Variants in CDKN2AIP observed in about 807,000 individuals in gnomAD.
CDKN2AIP encodes CDKN2A interacting protein.
Under a neutral mutation model 44.1 loss-of-function variants are expected in CDKN2AIP, and 12 were observed. The ratio of observed to expected loss-of-function variants is 0.27; its 90% CI spans 0.17 to 0.44. CDKN2AIP has a LOEUF of 0.44. Ranked by LOEUF, CDKN2AIP falls within the 20% of genes least tolerant of loss-of-function variation. The pLI is 1.00. For missense variants in CDKN2AIP, 705 were observed against 681.6 expected (o/e 1.03, Z -0.38); for synonymous variants, 291 against 272.1 (o/e 1.07, Z -0.68).
rs943834654 is a variant in CDKN2AIP, at chr4:183,448,961, G to A, written c.*1534G>A. Among the ~76,000 whole-genome samples, 9 of 152,108 alleles carry A rather than the reference G, an allele frequency of 5.9e-5. No individual in the cohort carries two copies. Among genetic ancestry groups the A allele is most frequent in the African/African-American group, 2.2e-4 (9 of 41,436 alleles). On this transcript the variant is annotated 3_prime_UTR_variant, in exon 3 of 3. Transcript: ENST00000504169. ...TGAATGTATTGTGAAAGCACTTTTA[G>A]TTACCTCACTTTCCTCAGTCTTGGA... is the stretch of plus-strand genomic sequence containing the variant.
In CDKN2AIP at chr4:183,445,637, GAAGAA is replaced by G; in HGVS notation, c.380_384del (p.Lys127ArgfsTer5). ...CAAGAGATGAACTGGTTGCCAAGGT[GAAGAA>G]AAGAGGGATATCGAGTAGCAATGGT... On this transcript the variant is annotated frameshift_variant, in exon 2 of 3. Coordinates refer to ENST00000504169, the MANE Select transcript of CDKN2AIP (RefSeq NM_017632.4). LOFTEE classifies it high-confidence loss of function. 6.2e-7 allele frequency: 1 copy of G among 1,611,912 alleles called. No homozygotes were observed. Among genetic ancestry groups the G allele is most frequent in the Non-Finnish European group, 8.5e-7 (1 of 1,177,972 alleles).
rs1733710189 is a variant in CDKN2AIP at position 183,447,565 on chromosome 4, C to T, written c.*138C>T. ...TGCAGAAAATTTACATTCTAGTTCT[C>T]TTCACACAGTAGCAGTTGTAAATAA... is the stretch of plus-strand genomic sequence containing the variant. On this transcript the variant is annotated 3_prime_UTR_variant, in exon 3 of 3. Coordinates refer to ENST00000504169, the MANE Select transcript of CDKN2AIP (RefSeq NM_017632.4). 2 of 581,428 alleles carry T rather than the reference C, an allele frequency of 3.4e-6. No homozygotes were observed. Among genetic ancestry groups the T allele is most frequent in the Non-Finnish European group, 5.9e-6 (2 of 337,010 alleles). 36.0% of individuals were successfully genotyped at this position (581,428 alleles called of 1,614,324 possible).
Position 183,446,514 on chromosome 4 carries a change from C to T in CDKN2AIP, c.830C>T (p.Ser277Phe), listed in dbSNP as rs1733684605. 2 of 1,613,502 alleles carry T rather than the reference C, an allele frequency of 1.2e-6. No homozygotes were observed. The highest frequency in any genetic ancestry group is 1.3e-5 in the African/African-American group (1 of 74,912). ...GSPKKSALEGSSASASQSSSE... is the reference protein window; with the variant it reads ...GSPKKSALEGFSASASQSSSE... ...CCTAAAAAGAGTGCTTTGGAAGGCT[C>T]TTCAGCCTCAGCTTCTCAAAGCAGC... The change falls in exon 3 of 3, where the codon TCT becomes TTT. Residue 277 changes from serine to phenylalanine, a missense_variant. This residue lies in a region of CDKN2AIP where 592 missense variants were observed against 518.0 expected (regional missense o/e 1.14). Transcript: ENST00000504169.
At chr4:183,445,728 AATT>A in intron 2 of CDKN2AIP, 63 bp downstream of exon 2, 1 of 1,370,906 alleles carries the variant, frequency 7.3e-7, no homozygotes, top group South Asian at 1.2e-5. Context: ...TATAATTAGG[AATT>A]ATTGTTACTA....
In CDKN2AIP at chr4:183,446,197, G is replaced by C. The variant is rs770780226; in HGVS notation, c.513G>C (p.Gln171His). The C allele has an allele frequency of 1.3e-5, 21 of 1,614,182 alleles. No homozygotes were observed. The highest frequency in any genetic ancestry group is 1.8e-5 in the Non-Finnish European group (21 of 1,180,016). ...TSAKTERASA[Q>H]QENSSTCIGS... ...CCAAGACAGAACGTGCATCAGCTCA[G>C]CAGGAAAACAGTTCAACGTGTATAG... is the stretch of plus-strand genomic sequence containing the variant. Residue 171 changes from glutamine (Q) to histidine (H), a missense_variant, in exon 3 of 3, where the codon CAG (glutamine) becomes CAC (histidine). Transcript: ENST00000504169.
chr4:183,445,506 T>C (rs1348386106), intron 1 of CDKN2AIP, 29 bp from the exon 2 acceptor site: 2 of 1,595,030 alleles, frequency 1.3e-6, no homozygotes, highest in South Asian at 2.2e-5. Flanking sequence ...AAAAACACTT[T>C]TTAAAAATGA....
intron 2 of CDKN2AIP, 135 bp from the exon 3 acceptor site, chr4:183,445,953 A>T (rs1733656566): frequency 2.7e-6 from 2 of 744,518 alleles, no homozygotes; most frequent in Non-Finnish European, 4.4e-6. Context: ...GAAATTAATG[A>T]CTCCACACTT....
In CDKN2AIP at chr4:183,444,664, G is replaced by A. The variant is rs1249577614; in HGVS notation, c.-134G>A. On this transcript the variant is annotated 5_prime_UTR_variant, in exon 1 of 3. Transcript: ENST00000504169. ...GGGCGGTTCGGCGGCTCTGGGCGCT[G>A]TTGTTTGGTCTTTAGGCCTGCGGAG... is the stretch of plus-strand genomic sequence containing the variant. The A allele has an allele frequency of 5.9e-6, 5 of 845,266 alleles. No individual in the cohort carries two copies. The highest frequency in any genetic ancestry group is 8.5e-6 in the Non-Finnish European group (5 of 589,426). 52.4% of individuals were successfully genotyped at this position (845,266 alleles called of 1,614,324 possible).
chr4:183,446,103 C>T lies in CDKN2AIP; in HGVS notation c.419C>T (p.Pro140Leu). Residue 140 changes from proline to leucine, a missense_variant, in exon 3 of 3, where the codon CCA becomes CTA. Coordinates refer to ENST00000504169, the MANE Select transcript of CDKN2AIP (RefSeq NM_017632.4). ...TTCTTTTTAGAAGGGGTAGAAGAGC[C>T]ATCCAAAAAACGAGTTATAGAAGGA... ...ISSSNEGVEE[P>L]SKKRVIEGKN... 6.2e-7 allele frequency: 1 copy of T among 1,608,836 alleles called. No homozygotes were observed. The highest frequency in any genetic ancestry group is 8.5e-7 in the Non-Finnish European group (1 of 1,177,784).
chr4:183,446,286 G>GCT lies in CDKN2AIP; in HGVS notation c.605_606dup (p.Thr203LeufsTer21). On this transcript the variant is annotated frameshift_variant, in exon 3 of 3. Transcript: ENST00000504169. LOFTEE classifies it high-confidence loss of function. ...AGCTCTGGCATCTCCAGTCAGAATA[G>GCT]CTCTACAAGTGATGGAGATCGATCT... The GCT allele has an allele frequency of 6.2e-7, 1 of 1,614,168 alleles. No individual in the cohort carries two copies. The highest frequency in any genetic ancestry group is 8.5e-7 in the Non-Finnish European group (1 of 1,179,990).
chr4:183,445,530 T>C lies in CDKN2AIP; in HGVS notation c.273-5T>C. On this transcript the variant is annotated splice_polypyrimidine_tract_variant and splice_region_variant and intron_variant, in intron 1 of 2. Transcript: ENST00000504169. ...TTTTAAAAATGACTTTTCCTTCTTT[T>C]TCAGATACCCTCAAAAAGTTATGGA... is the stretch of plus-strand genomic sequence containing the variant. 1 of 1,609,552 alleles carries C rather than the reference T, an allele frequency of 6.2e-7. No individual in the cohort carries two copies. Among genetic ancestry groups the C allele is most frequent in the Non-Finnish European group, 8.5e-7 (1 of 1,176,404 alleles).
chr4:183,447,069 A>C lies in CDKN2AIP; in HGVS notation c.1385A>C (p.Asn462Thr). ...GTTGGTGGCTTTAGTCCCAATGTGAATCATGGAGAGCTCCTAAATGCAGCT... is the reference window on the plus strand; with the variant it reads ...GTTGGTGGCTTTAGTCCCAATGTGACTCATGGAGAGCTCCTAAATGCAGCT... ...VAVGGFSPNV[N>T]HGELLNAAIE... is the part of the protein sequence containing the mutation. Residue 462 changes from asparagine to threonine, a missense_variant, in exon 3 of 3, where the codon AAT becomes ACT. By Grantham distance (65) the Asn-to-Thr change is moderately conservative (BLOSUM62 0). Around this residue, in one of 2 missense-constraint regions of CDKN2AIP, gnomAD observed 113 missense variants for 163.6 expected, o/e 0.69. Coordinates refer to ENST00000504169, the MANE Select transcript of CDKN2AIP (RefSeq NM_017632.4). 1 of 1,614,118 alleles carries C rather than the reference A, an allele frequency of 6.2e-7. No homozygotes were observed. Among genetic ancestry groups the C allele is most frequent in the South Asian group, 1.1e-5 (1 of 91,078 alleles).
At position 183,444,976 on chromosome 4, in the gene CDKN2AIP, C is replaced by A. The variant is rs1247403745; in HGVS notation, c.179C>A (p.Ala60Asp). The change falls in exon 1 of 3, where the codon GCT becomes GAT. Residue 60 changes from alanine (A) to aspartate (D), a missense_variant. Physicochemically the swap from Ala to Asp is moderately radical, Grantham distance 126. This residue lies in a region of CDKN2AIP where 592 missense variants were observed against 518.0 expected (regional missense o/e 1.14). Transcript: ENST00000504169. ...GGAASASTDE[A>D]ADAESGTRNR... is the part of the protein sequence containing the mutation. ...GCTGCCTCCGCTAGCACGGATGAAG[C>A]TGCCGACGCCGAGAGCGGGACCCGA... is the stretch of plus-strand genomic sequence containing the variant. 1.9e-6 allele frequency: 3 copies of A among 1,609,304 alleles called. No homozygotes were observed. In the East Asian group the frequency reaches 6.7e-5, roughly 36 times the overall value.
In CDKN2AIP at chr4:183,448,028, G is replaced by A. The variant is rs570468816; in HGVS notation, c.*601G>A. On this transcript the variant is annotated 3_prime_UTR_variant, in exon 3 of 3. Transcript: ENST00000504169. ...TTTAAAATTCACCATGACTTTGACC[G>A]CTGAAGATTCTTTAAGCGGGTTAAT... is the stretch of plus-strand genomic sequence containing the variant. 2.0e-5 allele frequency: 3 copies of A among 152,242 alleles called. No homozygotes were observed. Among genetic ancestry groups the A allele is most frequent in the East Asian group, 3.9e-4 (2 of 5,190 alleles). The allele number at this position is 152,242 out of a possible 1,614,324, so 9.4% of individuals were successfully genotyped here. A position where few individuals can be genotyped will look rare whatever the true frequency, so the allele number is the denominator to read the frequency against.
Position 183,446,152 on chromosome 4 carries a change from A to G in CDKN2AIP, c.468A>G (p.Gln156=). The change falls in exon 3 of 3, where the codon CAA becomes CAG. Residue 156 remains glutamine (Q), a synonymous_variant. Transcript: ENST00000504169. ...IEGKNSSAVE[Q]DHAKTSAKTE... ...GAAAAAACAGTTCTGCAGTTGAGCA[A>G]GATCACGCAAAAACCTCTGCCAAGA... 1 of 1,614,070 alleles carries G rather than the reference A, an allele frequency of 6.2e-7. No individual in the cohort carries two copies. Among genetic ancestry groups the G allele is most frequent in the African/African-American group, 1.3e-5 (1 of 75,060 alleles).
Position 183,444,709 on chromosome 4 carries a change from G to A in CDKN2AIP, c.-89G>A. 1 of 1,333,458 alleles carries A rather than the reference G, an allele frequency of 7.5e-7. No individual in the cohort carries two copies. Among genetic ancestry groups the A allele is most frequent in the Non-Finnish European group, 9.9e-7 (1 of 1,007,076 alleles). 82.6% of individuals were successfully genotyped at this position (1,333,458 alleles called of 1,614,324 possible). On this transcript the variant is annotated 5_prime_UTR_variant, in exon 1 of 3. Transcript: ENST00000504169. Reference sequence around the variant, plus strand: ...GCGGAGGGGCGTTATCTGGAGGGCCGCGGGTGCAGGCCGCAGTGACAGGGC... The same window carrying A: ...GCGGAGGGGCGTTATCTGGAGGGCCACGGGTGCAGGCCGCAGTGACAGGGC...
In CDKN2AIP at chr4:183,446,512, C is replaced by T. The variant is rs1258831145; in HGVS notation, c.828C>T (p.Gly276=). 1.2e-6 allele frequency: 2 copies of T among 1,613,544 alleles called. No individual in the cohort carries two copies. Among genetic ancestry groups the T allele is most frequent in the African/African-American group, 2.7e-5 (2 of 74,906 alleles). The change falls in exon 3 of 3, where the codon GGC becomes GGT. Residue 276 remains glycine (G), a synonymous_variant. Transcript: ENST00000504169. ...CACCTAAAAAGAGTGCTTTGGAAGG[C>T]TCTTCAGCCTCAGCTTCTCAAAGCA... ...SGSPKKSALE[G]SSASASQSSS... is the part of the protein sequence containing the mutation.
Position 183,448,135 on chromosome 4 carries a change from C to T in CDKN2AIP, c.*708C>T, listed in dbSNP as rs1733722551. ...TTTCTATATTAAGCATATTTTGTGACTACTATTAACAGATTGATTTGTTTA... is the reference window on the plus strand; with the variant it reads ...TTTCTATATTAAGCATATTTTGTGATTACTATTAACAGATTGATTTGTTTA... On this transcript the variant is annotated 3_prime_UTR_variant, in exon 3 of 3. Coordinates refer to ENST00000504169, the MANE Select transcript of CDKN2AIP (RefSeq NM_017632.4). 1 of 152,100 alleles carries T rather than the reference C, an allele frequency of 6.6e-6. No homozygotes were observed. The highest frequency in any genetic ancestry group is 6.5e-5 in the Admixed American group (1 of 15,270). The allele number at this position is 152,100 out of a possible 1,614,324, so 9.4% of individuals were successfully genotyped here. A position where few individuals can be genotyped will look rare whatever the true frequency, so the allele number is the denominator to read the frequency against.
chr4:183,445,826 A>T, intron 2 of CDKN2AIP, 161 bp downstream of exon 2: 1 of 664,290 alleles, frequency 1.5e-6, no homozygotes, highest in Non-Finnish European at 2.6e-6. Flanking sequence ...CTGTGTCTTT[A>T]GGCTTTGAAT....
Sources: allele counts gnomAD v4.1 joint callset (sites outside exome capture counted in the v4.1 genomes callset), GRCh38; gene constraint gnomAD v4.1.1; regional missense constraint gnomAD v4.1.1; transcripts MANE v1.5; gene names NCBI Gene and HGNC (gene_info 2026-07-23, HGNC 2026-07-21).